TNR: variants seen among roughly 807,000 people sequenced by gnomAD.
The protein encoded by TNR is tenascin R.
In TNR, 45 loss-of-function variants were observed where a neutral mutation model predicts 150.4. The ratio of observed to expected loss-of-function variants is 0.30; its 90% confidence interval spans 0.24 to 0.38. The LOEUF (loss-of-function observed/expected upper bound fraction) is 0.38, where lower values mean the gene tolerates loss of function less well. TNR is among the 10% of genes least tolerant of loss of function. TNR has a pLI of 1.00. For synonymous variants in TNR, 687 were observed against 678.4 expected (o/e 1.01, Z -0.20); for missense variants, 1,544 against 1,759.1 (o/e 0.88, Z 2.19).
At chr1:175,494,105 C>T (rs1348261824) in intron 2 of TNR, among the ~76,000 whole-genome samples, 1 of 152,138 alleles carries the variant, frequency 6.6e-6, no homozygotes, top group Non-Finnish European at 1.5e-5. Context: ...TTCCTCCCAC[C>T]AGCCTGTCAC....
intron 9 of TNR, among the ~76,000 whole-genome samples, chr1:175,371,053 G>A (rs1206346831): frequency 4.3e-5 from 6 of 139,348 alleles, no homozygotes; most frequent in Non-Finnish European, 9.2e-5. Flanking sequence ...CAGCAGGTTA[G>A]ACACAGTTCT....
chr1:175,665,973 G>C (rs1558062568), intron 1 of TNR, among the ~76,000 whole-genome samples: 1 of 152,140 alleles, frequency 6.6e-6, no homozygotes, highest in Non-Finnish European at 1.5e-5. Flanking sequence ...TAATGACAAA[G>C]ATCATTCCAT....
intron 1 of TNR, among the ~76,000 whole-genome samples, chr1:175,552,778 A>G (rs1432669043): frequency 6.6e-6 from 1 of 152,074 alleles, no homozygotes; most frequent in Non-Finnish European, 1.5e-5. Flanking sequence ...CTGTTCCTGA[A>G]TTACTCCCGT....
intron 2 of TNR, among the ~76,000 whole-genome samples, chr1:175,435,064 T>A (rs747900974): frequency 6.6e-6 from 1 of 152,188 alleles, no homozygotes; most frequent in Non-Finnish European, 1.5e-5. Context: ...AAGGACTTAA[T>A]TGAGTTGGGA....
chr1:175,353,004 G>T (rs2236885), intron 18 of TNR, among the ~76,000 whole-genome samples: 9,872 of 151,842 alleles, frequency 0.065, 398 homozygotes, highest in South Asian at 0.11. Context: ...GCTCTGACAT[G>T]GCAGGCAGGA....
intron 17 of TNR, among the ~76,000 whole-genome samples, chr1:175,354,950 G>A (rs1651247914): frequency 6.6e-6 from 1 of 152,156 alleles, no homozygotes; most frequent in Non-Finnish European, 1.5e-5. Flanking sequence ...ACAAAAACTT[G>A]AAAATCAGTG....
intron 1 of TNR, among the ~76,000 whole-genome samples, chr1:175,719,180 G>C (rs1558089616): frequency 6.6e-6 from 1 of 152,204 alleles, no homozygotes; most frequent in African/African-American, 2.4e-5. Flanking sequence ...AAAAAGTGAG[G>C]ATATGGAGTA....
chr1:175,355,806 C>A (rs879869917), intron 16 of TNR, among the ~76,000 whole-genome samples, 173 bp from the exon 17 acceptor site: 1 of 152,182 alleles, frequency 6.6e-6, no homozygotes, highest in Non-Finnish European at 1.5e-5. Flanking sequence ...AGATGATAAT[C>A]ATTCAGTGCC....
chr1:175,414,783 AC>A (rs1654363443), intron 2 of TNR, among the ~76,000 whole-genome samples: 1 of 152,252 alleles, frequency 6.6e-6, no homozygotes, highest in Non-Finnish European at 1.5e-5. Flanking sequence ...ACCTCCTCTG[AC>A]TTTTGAGGGA....
At chr1:175,580,521 G>A (rs1662313492) in intron 1 of TNR, among the ~76,000 whole-genome samples, 1 of 152,106 alleles carries the variant, frequency 6.6e-6, no homozygotes, top group Non-Finnish European at 1.5e-5. Flanking sequence ...GCTAGTTAAC[G>A]AGCCACACAA....
chr1:175,564,791 T>A (rs146505726), intron 1 of TNR, among the ~76,000 whole-genome samples: 2 of 152,334 alleles, frequency 1.3e-5, no homozygotes, highest in East Asian at 3.9e-4. Context: ...GGAACCCAGA[T>A]GGCTTTGATA....
intron 2 of TNR, 54 bp from the exon 3 acceptor site, chr1:175,406,831 A>G (rs1653987525): frequency 2.2e-6 from 3 of 1,364,546 alleles, no homozygotes; most frequent in South Asian, 2.8e-5. Context: ...CCTTGGCACC[A>G]TGGCTCTGCA....
chr1:175,611,327 T>C (rs1663590693), intron 1 of TNR, among the ~76,000 whole-genome samples: 1 of 152,064 alleles, frequency 6.6e-6, no homozygotes, highest in African/African-American at 2.4e-5. Flanking sequence ...CTCCATTTCC[T>C]TCGTTTCTAC....
Position 175,331,053 on chromosome 1 carries a change from CTT to C in TNR, c.3632-820_3632-819del, listed in dbSNP as rs1358244280. Among the ~76,000 whole-genome samples, 3 of 113,246 alleles carry C rather than the reference CTT, an allele frequency of 2.6e-5. 1 individual carries two copies. Among genetic ancestry groups the C allele is most frequent in the African/African-American group, 6.8e-5 (2 of 29,258 alleles). The allele number at this position is 113,246 out of a possible 152,430, so 74.3% of individuals were successfully genotyped here. On this transcript the variant is annotated intron_variant, in intron 20 of 22. Transcript: ENST00000367674. ...TCTTTCTTTCTTTCTTTCTTTCTTT[CTT>C]TCTTTCTTTCTTTCTTTCTTTCCTT...
At chr1:175,631,617 C>T (rs1664330103) in intron 1 of TNR, among the ~76,000 whole-genome samples, 2 of 152,060 alleles carry the variant, frequency 1.3e-5, no homozygotes, top group African/African-American at 4.8e-5. Context: ...TATTGGGGGT[C>T]AGTTTGCAGG....
chr1:175,326,231 A>T (rs550257552), intron 21 of TNR, among the ~76,000 whole-genome samples: 116 of 152,286 alleles, frequency 7.6e-4, no homozygotes, highest in Non-Finnish European at 1.4e-3. Context: ...AAATTATAAC[A>T]GTTTATAAAA....
At chr1:175,533,026 A>T (rs1048769971) in intron 1 of TNR, among the ~76,000 whole-genome samples, 4 of 152,232 alleles carry the variant, frequency 2.6e-5, no homozygotes, top group Non-Finnish European at 5.9e-5. Flanking sequence ...GCAAGGATCA[A>T]CTGGGGGTCA....
At chr1:175,452,654 A>C (rs1477759658) in intron 2 of TNR, among the ~76,000 whole-genome samples, 1 of 152,180 alleles carries the variant, frequency 6.6e-6, no homozygotes, top group African/African-American at 2.4e-5. Context: ...GGCCTAGTGG[A>C]TGAGGGAAAA....
intron 1 of TNR, among the ~76,000 whole-genome samples, chr1:175,531,070 T>C (rs1165683529): frequency 6.6e-6 from 1 of 152,166 alleles, no homozygotes; most frequent in Non-Finnish European, 1.5e-5. Context: ...TTTAGAGGAA[T>C]AGAATTAGAA....
Sources: gnomAD v4.1 joint callset for allele counts (sites outside exome capture counted in the v4.1 genomes callset) on GRCh38, gnomAD v4.1.1 for gene constraint, MANE v1.5 for transcripts, NCBI Gene and HGNC (gene_info 2026-07-23, HGNC 2026-07-21) for gene names.